Variants in ROR2 observed in about 807,000 individuals in gnomAD.
ROR2 encodes the protein ROR family WNT receptor 2, also known as tyrosine-protein kinase transmembrane receptor ROR2.
In ROR2, 33 loss-of-function variants were observed where a neutral mutation model predicts 74.9. The observed-to-expected ratio is 0.44, with a 90% CI of 0.33 to 0.59. The LOEUF (loss-of-function observed/expected upper bound fraction) is 0.59. Among genes scored for constraint, ROR2 ranks in the 20% least tolerant of loss-of-function variants. The probability of loss-of-function intolerance (pLI) is 0.02; values close to 1 mark genes in which losing one functional copy is unlikely to be tolerated. For missense variants in ROR2, 1,216 were observed against 1,313.8 expected, an observed-to-expected ratio of 0.93 and a Z score of 1.15; for synonymous variants, 586 against 558.7, an observed-to-expected ratio of 1.05 and a Z score of -0.69.
chr9:91,939,680 G>A (rs1455197577), intron 1 of ROR2, among the ~76,000 whole-genome samples: 2 of 151,990 alleles, frequency 1.3e-5, no homozygotes, highest in Non-Finnish European at 2.9e-5. Flanking sequence ...GGAGAAAATT[G>A]AGTATTTTGT....
intron 1 of ROR2, among the ~76,000 whole-genome samples, chr9:91,894,099 A>T (rs1051026458): frequency 3.9e-5 from 6 of 152,092 alleles, no homozygotes; most frequent in African/African-American, 9.7e-5. Context: ...AGCCCTTGTG[A>T]CTGGTCCCTG....
At chr9:91,726,996 T>C (rs1438971544) in intron 7 of ROR2, among the ~76,000 whole-genome samples, 2 of 152,156 alleles carry the variant, frequency 1.3e-5, no homozygotes, top group Non-Finnish European at 2.9e-5. Flanking sequence ...ATATGCAGTA[T>C]AAAAAGTAAA....
intron 1 of ROR2, among the ~76,000 whole-genome samples, chr9:91,948,266 TTAACCGCAGGGTGA>T: frequency 6.6e-6 from 1 of 152,278 alleles, no homozygotes; most frequent in East Asian, 1.9e-4. Context: ...TGTAGGACAA[TTAACCGCAGGGTGA>T]ACAGCAAAAG....
chr9:91,892,179 G>A (rs888350954), intron 1 of ROR2, among the ~76,000 whole-genome samples: 51 of 152,192 alleles, frequency 3.4e-4, no homozygotes, highest in African/African-American at 1.2e-3. Flanking sequence ...AAACTGGCCA[G>A]ATAATCTCCC....
At chr9:91,916,762 G>A (rs538240813) in intron 1 of ROR2, among the ~76,000 whole-genome samples, 4 of 152,026 alleles carry the variant, frequency 2.6e-5, no homozygotes, top group African/African-American at 7.2e-5. Flanking sequence ...TCTTGGAATC[G>A]CTCTTAGAAT....
chr9:91,832,928 A>T (rs574041643), intron 1 of ROR2, among the ~76,000 whole-genome samples: 1 of 152,254 alleles, frequency 6.6e-6, no homozygotes, highest in Non-Finnish European at 1.5e-5. Flanking sequence ...AGAGATGCCA[A>T]GAGAAGACGC....
chr9:91,756,212 G>A (rs1007904325), intron 3 of ROR2, 111 bp from the exon 4 acceptor site: 6 of 1,030,410 alleles, frequency 5.8e-6, no homozygotes, highest in South Asian at 1.3e-5. Flanking sequence ...CTCACTGGTG[G>A]GCAGCTGTCC....
chr9:91,785,235 T>C (rs1377291106), intron 1 of ROR2, among the ~76,000 whole-genome samples: 1 of 152,234 alleles, frequency 6.6e-6, no homozygotes, highest in Non-Finnish European at 1.5e-5. Flanking sequence ...CATATGTGCA[T>C]GTGGTTCGAC....
At chr9:91,832,367 CA>C (rs10677451) in intron 1 of ROR2, among the ~76,000 whole-genome samples, 3,949 of 38,220 alleles carry the variant, frequency 0.1, 41 homozygotes, top group African/African-American at 0.23. Flanking sequence ...GTCACAATGG[CA>C]AAAAAAAAAA....
chr9:91,894,490 G>C (rs995431111), intron 1 of ROR2, among the ~76,000 whole-genome samples: 4 of 152,208 alleles, frequency 2.6e-5, no homozygotes, highest in African/African-American at 9.6e-5. Context: ...GAAGCAGAGA[G>C]AGTAAGAAAC....
intron 1 of ROR2, among the ~76,000 whole-genome samples, chr9:91,937,354 A>T (rs1831726711): frequency 1.3e-5 from 2 of 152,048 alleles, no homozygotes; most frequent in African/African-American, 2.4e-5. Context: ...CCTCGTGGGG[A>T]GTCTGCAAAC....
At position 91,757,443 on chromosome 9, in the gene ROR2, T is replaced by C; in HGVS notation, c.292A>G (p.Asn98Asp). Residue 98 changes from asparagine (N) to aspartate (D), a missense_variant, in exon 3 of 9, where the codon AAT becomes GAT. By Grantham distance (23) the Asn-to-Asp change is conservative. Transcript: ENST00000375708. ...NPPPNVRWLK[N>D]DAPVVQEPRR... ...GGCTCCTGCACCACCGGGGCATCAT[T>C]CTTTAGCCACCGCACGTTAGGGGGT... The C allele has an allele frequency of 6.2e-7, 1 of 1,613,884 alleles. No homozygotes were observed. Among genetic ancestry groups the C allele is most frequent in the Non-Finnish European group, 8.5e-7 (1 of 1,179,990 alleles).
intron 1 of ROR2, among the ~76,000 whole-genome samples, chr9:91,858,758 G>A (rs1361970555): frequency 6.6e-6 from 1 of 152,172 alleles, no homozygotes; most frequent in Non-Finnish European, 1.5e-5. Flanking sequence ...GCATGCCACA[G>A]GGAGTTCTAA....
intron 1 of ROR2, among the ~76,000 whole-genome samples, chr9:91,780,162 C>T (rs191377101): frequency 9.2e-5 from 14 of 152,238 alleles, no homozygotes; most frequent in Admixed American, 2.0e-4. Flanking sequence ...GAGGCCAAGG[C>T]GGGTGGATCA....
chr9:91,913,047 T>C lies in ROR2; in HGVS notation c.97+36820A>G, dbSNP rs557120501. ...GGGAGGCTGAGGCAGGAGAATCGCT[T>C]GAACCCGGGAAGCAGAGGTTGCAGT... On this transcript the variant is annotated intron_variant, in intron 1 of 8. Coordinates refer to ENST00000375708, the MANE Select transcript of ROR2 (RefSeq NM_004560.4). Among the ~76,000 whole-genome samples the C allele has an allele frequency of 6.5e-4, 99 of 152,248 alleles. No individual in the cohort carries two copies. In the South Asian group the frequency reaches 0.02, roughly 31 times the overall value.
At chr9:91,728,383 C>T (rs1223598854) in intron 7 of ROR2, among the ~76,000 whole-genome samples, 2 of 152,022 alleles carry the variant, frequency 1.3e-5, no homozygotes, top group Admixed American at 1.3e-4. Context: ...TTTCTTAATT[C>T]GAATGTTGAA....
Position 91,724,388 on chromosome 9 carries a change from C to T in ROR2, c.2106G>A (p.Val702=), listed in dbSNP as rs745358447. The T allele has an allele frequency of 1.1e-5, 17 of 1,614,120 alleles. No homozygotes were observed. Among genetic ancestry groups the T allele is most frequent in the Middle Eastern group, 1.6e-4 (1 of 6,062 alleles). The change falls in exon 9 of 9, where the codon GTG becomes GTA. Residue 702 remains valine (V), a synonymous_variant. Transcript: ENST00000375708. Reference sequence around the variant, plus strand: ...GCACCTGCCGGTTCCGGATCATCTCCACCACATCCTGGTTGGAGTACCCGC... The same window carrying T: ...GCACCTGCCGGTTCCGGATCATCTCTACCACATCCTGGTTGGAGTACCCGC... ...PYCGYSNQDV[V]EMIRNRQVLP...
At chr9:91,783,722 C>T (rs954332988) in intron 1 of ROR2, among the ~76,000 whole-genome samples, 5 of 152,198 alleles carry the variant, frequency 3.3e-5, no homozygotes, top group African/African-American at 7.2e-5. Context: ...CACGGCTCTG[C>T]GAGCCTGGAG....
chr9:91,787,807 G>A (rs957210461), intron 1 of ROR2, among the ~76,000 whole-genome samples: 1 of 148,586 alleles, frequency 6.7e-6, no homozygotes, highest in African/African-American at 2.5e-5. Flanking sequence ...AGAATGGGGG[G>A]GAGAAAGTGG....
Sources: gnomAD v4.1 joint callset for allele counts (sites outside exome capture counted in the v4.1 genomes callset) on GRCh38, gnomAD v4.1.1 for gene constraint, MANE v1.5 for transcripts, NCBI Gene and HGNC (gene_info 2026-07-23, HGNC 2026-07-21) for gene names.